The following SPATA13 variants were observed in gnomAD, a reference collection of about 807,000 sequenced individuals.
SPATA13 encodes spermatogenesis-associated protein 13.
SPATA13 carries 50 observed loss-of-function variants against 104.0 expected under a neutral mutation model. That is an observed-to-expected ratio of 0.48 (90% confidence interval 0.38 to 0.61). SPATA13 has a LOEUF of 0.61. SPATA13 is among the 20% of genes least tolerant of loss of function. The pLI, the probability that SPATA13 is intolerant of heterozygous loss-of-function variation, is 0.00. For synonymous variants in SPATA13, 606 were observed against 667.5 expected, an observed-to-expected ratio of 0.91 and a Z score of 1.42; for missense variants, 1,524 against 1,690.6, an observed-to-expected ratio of 0.90 and a Z score of 1.73.
chr13:24,211,467 G>A (rs1051401871), intron 1 of SPATA13, among the ~76,000 whole-genome samples: 11 of 151,582 alleles, frequency 7.3e-5, no homozygotes, highest in African/African-American at 2.7e-4. Flanking sequence ...ATGAAAGACT[G>A]TTGAATTTTG....
At chr13:23,980,495 C>G (rs1057327054) in intron 1 of SPATA13, among the ~76,000 whole-genome samples, 3 of 152,374 alleles carry the variant, frequency 2.0e-5, no homozygotes, top group Admixed American at 2.0e-4. Flanking sequence ...AATAAACTAT[C>G]ACCTACTTAA....
At chr13:24,016,498 A>C (rs1195026520) in intron 2 of SPATA13, among the ~76,000 whole-genome samples, 1 of 152,232 alleles carries the variant, frequency 6.6e-6, no homozygotes, top group Non-Finnish European at 1.5e-5. Flanking sequence ...TGCAGGCCAC[A>C]ACCACAATGC....
chr13:24,041,971 T>G (rs9580836), intron 3 of SPATA13, among the ~76,000 whole-genome samples: 71,232 of 152,104 alleles, frequency 0.47, 17,459 homozygotes, highest in African/African-American at 0.61. Flanking sequence ...TCGAAAAATG[T>G]TGCCTAAAGC....
intron 3 of SPATA13, among the ~76,000 whole-genome samples, chr13:24,114,351 G>GTGCACGTGTGTGCCTGCATGTGTGCACA (rs1880755304): frequency 1.3e-5 from 1 of 74,602 alleles, no homozygotes; most frequent in African/African-American, 3.5e-5. Flanking sequence ...CTAATTCAGT[G>GTGCACGTGTGTGCCTGCATGTGTGCACA]TGCACGTGTG....
At chr13:24,002,482 G>A (rs1215563765) in intron 2 of SPATA13, among the ~76,000 whole-genome samples, 1 of 152,164 alleles carries the variant, frequency 6.6e-6, no homozygotes, top group Non-Finnish European at 1.5e-5. Context: ...GGAGCTGGTG[G>A]TGGTTGTGTC....
intron 2 of SPATA13, among the ~76,000 whole-genome samples, chr13:24,002,204 A>G (rs563980655): frequency 6.6e-6 from 1 of 152,134 alleles, no homozygotes; most frequent in African/African-American, 2.4e-5. Context: ...GATGATGGTC[A>G]TGTATGTGTC....
At chr13:24,131,611 T>C (rs372788479) in intron 3 of SPATA13, among the ~76,000 whole-genome samples, 70 of 152,304 alleles carry the variant, frequency 4.6e-4, no homozygotes, top group African/African-American at 1.7e-3. Flanking sequence ...AACAGAACCA[T>C]GTACTTGAAG....
chr13:24,255,739 C>T (rs1255868198), intron 4 of SPATA13, among the ~76,000 whole-genome samples: 3 of 152,162 alleles, frequency 2.0e-5, no homozygotes, highest in Non-Finnish European at 4.4e-5. Flanking sequence ...CATTTCCATC[C>T]CAGTCCTGGA....
At chr13:24,118,563 G>A (rs1426815984) in intron 3 of SPATA13, among the ~76,000 whole-genome samples, 1 of 152,126 alleles carries the variant, frequency 6.6e-6, no homozygotes, top group African/African-American at 2.4e-5. Flanking sequence ...AAACACAGAT[G>A]ACTTAAGCCC....
intron 12 of SPATA13, among the ~76,000 whole-genome samples, chr13:24,301,305 A>G (rs928984278): frequency 9.9e-5 from 15 of 152,194 alleles, no homozygotes; most frequent in African/African-American, 3.6e-4. Context: ...CAGGACTGCA[A>G]TAGACCACTG....
At chr13:24,237,603 T>C (rs1362066782) in intron 2 of SPATA13, among the ~76,000 whole-genome samples, 1 of 152,080 alleles carries the variant, frequency 6.6e-6, no homozygotes, top group African/African-American at 2.4e-5. Context: ...GTTCTGAAGA[T>C]GGATGGTGGT....
chr13:24,140,023 CG>C lies in SPATA13; in HGVS notation c.-111-82795del, dbSNP rs1881705153. Among the ~76,000 whole-genome samples, 4 of 148,378 alleles carry C rather than the reference CG, an allele frequency of 2.7e-5. No individual in the cohort carries two copies. In the Admixed American group the frequency reaches 2.7e-4, roughly 10 times the overall value. ...GCGGAGCTTGGCAGTGAGCCAAGGT[CG>C]TGCCACTGCACGCCAGCCTGGGTGA... On this transcript the variant is annotated intron_variant, in intron 3 of 14. Coordinates refer to the SPATA13 transcript ENST00000424834.
At chr13:24,224,795 C>A in intron 2 of SPATA13, 1 of 645,304 alleles carries the variant, frequency 1.5e-6, no homozygotes, top group East Asian at 2.9e-5. Context: ...TGACAATGTA[C>A]GAGATTCATT....
intron 3 of SPATA13, among the ~76,000 whole-genome samples, chr13:24,085,292 A>G (rs1422405293): frequency 2.6e-5 from 4 of 152,038 alleles, no homozygotes; most frequent in African/African-American, 9.7e-5. Flanking sequence ...ACACCTGACA[A>G]ATTTTTGTAT....
chr13:24,193,845 G>A (rs921060677), intron 1 of SPATA13, among the ~76,000 whole-genome samples: 1 of 152,154 alleles, frequency 6.6e-6, no homozygotes, highest in African/African-American at 2.4e-5. Context: ...GTGATGAAGT[G>A]GTCACAATGA....
rs1194907213 is a variant in SPATA13 at position 24,286,047 on chromosome 13, TG to T, written c.2302-164del. Among the ~76,000 whole-genome samples, 1 of 152,218 alleles carries T rather than the reference TG, an allele frequency of 6.6e-6. No homozygotes were observed. Among genetic ancestry groups the T allele is most frequent in the Non-Finnish European group, 1.5e-5 (1 of 68,034 alleles). On this transcript the variant is annotated intron_variant, in intron 5 of 12. Coordinates refer to ENST00000382108, the MANE Select transcript of SPATA13 (RefSeq NM_001166271.3). This position sits in a 1 kb window ranked among gnomAD's most constrained non-coding sequence, Gnocchi z 4.9. ...TTTGTTTTTTCTTAGTCTGTTCTCC[TG>T]GGTTCTCTTTGTGTAACCAGTCACA...
upstream of SPATA13, among the ~76,000 whole-genome samples, chr13:24,160,163 T>C (rs541877903): frequency 1.3e-5 from 2 of 152,328 alleles, no homozygotes; most frequent in Admixed American, 1.3e-4. Context: ...CAGTGGGCAG[T>C]GGGGCACGGT....
chr13:24,122,232 G>T (rs1427123309), intron 3 of SPATA13: 4 of 1,362,556 alleles, frequency 2.9e-6, no homozygotes, highest in East Asian at 2.3e-5. Context: ...TCTTCAGAAA[G>T]ATGGTGAGTC....
chr13:24,121,963 A>G, intron 3 of SPATA13: 4 of 784,106 alleles, frequency 5.1e-6, no homozygotes, highest in Non-Finnish European at 8.8e-6. Context: ...CCATCTATTC[A>G]TCATTAGTTT....
Sources: gnomAD v4.1 joint callset for allele counts (sites outside exome capture counted in the v4.1 genomes callset) on GRCh38, gnomAD v4.1.1 for gene constraint, Gnocchi (gnomAD v3.1) non-coding constraint, MANE v1.5 for transcripts, NCBI Gene and HGNC (gene_info 2026-07-23, HGNC 2026-07-21) for gene names.